Variants in PPARD observed in about 807,000 individuals in gnomAD.
PPARD encodes peroxisome proliferator activated receptor delta.
Under a neutral mutation model 39.5 loss-of-function variants are expected in PPARD, and 6 were observed. The observed-to-expected ratio is 0.15, with a 90% CI of 0.08 to 0.30. The LOEUF is 0.30. Among genes scored for constraint, PPARD ranks in the 10% least tolerant of loss-of-function variants. The probability of loss-of-function intolerance (pLI) is 1.00; values close to 1 mark genes in which losing one functional copy is unlikely to be tolerated. For missense variants in PPARD, 397 were observed against 596.8 expected (o/e 0.67, Z 3.49); for synonymous variants, 210 against 231.3 (o/e 0.91, Z 0.83).
intron 2 of PPARD, among the ~76,000 whole-genome samples, chr6:35,374,626 C>A (rs573740792): frequency 6.7e-6 from 1 of 150,046 alleles, no homozygotes; most frequent in African/African-American, 2.5e-5. Context: ...CCCCTGCACT[C>A]CAGCCTGGGC....
rs927042122 is a variant in PPARD at position 35,424,217 on chromosome 6, C to T, written c.627+69C>T. On this transcript the variant is annotated intron_variant, in intron 6 of 7. Transcript: ENST00000360694. The surrounding 1 kb of genome is among the most constrained non-coding windows in gnomAD (Gnocchi z 7.1). Reference sequence around the variant, plus strand: ...GGTCCCACTGCCGCCTGCCTGACTCCGGGAGAGCCAGGCCTTCTCCCTCCC... The same window carrying T: ...GGTCCCACTGCCGCCTGCCTGACTCTGGGAGAGCCAGGCCTTCTCCCTCCC... 1.4e-4 allele frequency: 222 copies of T among 1,593,490 alleles called. No homozygotes were observed. Among genetic ancestry groups the T allele is most frequent in the Admixed American group, 3.2e-4 (19 of 58,552 alleles).
At chr6:35,399,477 G>A (rs535580540) in intron 2 of PPARD, among the ~76,000 whole-genome samples, 12 of 151,668 alleles carry the variant, frequency 7.9e-5, no homozygotes, top group African/African-American at 1.5e-4. Flanking sequence ...ATGCCAAGGC[G>A]GGAGGATCAC....
intron 2 of PPARD, among the ~76,000 whole-genome samples, chr6:35,379,361 C>T (rs1402400504): frequency 6.6e-6 from 1 of 152,164 alleles, no homozygotes; most frequent in Non-Finnish European, 1.5e-5. Context: ...CTTAGCCTCC[C>T]AAAGTGCTGG....
chr6:35,346,970 C>T, intron 1 of PPARD, 97 bp from the exon 2 acceptor site: 1 of 692,204 alleles, frequency 1.4e-6, no homozygotes, highest in Non-Finnish European at 2.4e-6. Context: ...ACCTTAGGAA[C>T]ACTCTTTGAG....
chr6:35,424,079 C>T lies in PPARD; in HGVS notation c.558C>T (p.Tyr186=). The T allele has an allele frequency of 1.2e-6, 2 of 1,614,128 alleles. No individual in the cohort carries two copies. The highest frequency in any genetic ancestry group is 1.7e-6 in the Non-Finnish European group (2 of 1,180,050). Residue 186 remains tyrosine, a synonymous_variant, in exon 6 of 8, where the codon TAC becomes TAT. Transcript: ENST00000360694. The surrounding 1 kb of genome is among the most constrained non-coding windows in gnomAD (Gnocchi z 7.1). The part of the protein sequence containing the change: ...KAFSKHIYNA[Y]LKNFNMTKKK... Reference sequence around the variant, plus strand: ...TCTCCAAGCACATCTACAATGCCTACCTGAAAAACTTCAACATGACCAAAA... The same window carrying T: ...TCTCCAAGCACATCTACAATGCCTATCTGAAAAACTTCAACATGACCAAAA...
At chr6:35,350,567 G>A (rs1010280321) in intron 2 of PPARD, among the ~76,000 whole-genome samples, 10 of 150,276 alleles carry the variant, frequency 6.7e-5, no homozygotes, top group African/African-American at 2.2e-4. Flanking sequence ...GTAGATGTGT[G>A]GATTTGTTTC....
intron 2 of PPARD, chr6:35,397,423 C>T (rs1189664174): frequency 2.4e-5 from 13 of 542,472 alleles, no homozygotes; most frequent in Non-Finnish European, 3.1e-5. Flanking sequence ...CTGCTAGGCC[C>T]CTCAGGCTTC....
chr6:35,351,506 T>C (rs1245999607), intron 2 of PPARD, among the ~76,000 whole-genome samples: 2 of 152,184 alleles, frequency 1.3e-5, no homozygotes, highest in Non-Finnish European at 2.9e-5. Context: ...AATTTGAGTT[T>C]TCTCTTGAAA....
In PPARD at chr6:35,421,937, G is replaced by A. The variant is rs759821820; in HGVS notation, c.403G>A (p.Ala135Thr). 6.2e-7 allele frequency: 1 copy of A among 1,613,038 alleles called. No homozygotes were observed. Among genetic ancestry groups the A allele is most frequent in the Non-Finnish European group, 8.5e-7 (1 of 1,179,474 alleles). ...CQYCRFQKCL[A>T]LGMSHNAIRF... is the part of the protein sequence containing the mutation. ...GTACTGCCGCTTCCAGAAGTGCCTG[G>A]CACTGGGCATGTCACACAACGGTGA... Residue 135 changes from alanine (A) to threonine (T), a missense_variant, in exon 5 of 8, where the codon GCA (alanine) becomes ACA (threonine). Ala to Thr is a moderately conservative substitution (Grantham distance 58). Transcript: ENST00000360694.
intron 1 of PPARD, among the ~76,000 whole-genome samples, chr6:35,344,562 C>T (rs942040701): frequency 6.6e-6 from 1 of 151,966 alleles, no homozygotes; most frequent in Non-Finnish European, 1.5e-5. Context: ...ATAACATATC[C>T]TTTGTTTCTA....
intron 3 of PPARD, among the ~76,000 whole-genome samples, chr6:35,413,234 T>A (rs1765544275): frequency 6.6e-6 from 1 of 152,144 alleles, no homozygotes; most frequent in African/African-American, 2.4e-5. Context: ...GGCGGTGACC[T>A]CTCAGGCAGC....
At chr6:35,422,083 C>T in intron 5 of PPARD, 125 bp downstream of exon 5, 2 of 1,206,076 alleles carry the variant, frequency 1.7e-6, no homozygotes, top group Non-Finnish European at 2.2e-6. Flanking sequence ...ACAGTAAGCA[C>T]CATGGCTGTT....
At chr6:35,355,426 C>G (rs957125113) in intron 2 of PPARD, among the ~76,000 whole-genome samples, 1 of 151,672 alleles carries the variant, frequency 6.6e-6, no homozygotes, top group African/African-American at 2.4e-5. Flanking sequence ...GTGGTACATG[C>G]CTGTAGTTCC....
chr6:35,359,064 A>ACC (rs1761780907), intron 2 of PPARD, among the ~76,000 whole-genome samples: 1 of 152,160 alleles, frequency 6.6e-6, no homozygotes, highest in African/African-American at 2.4e-5. Context: ...AGGAGAGTGA[A>ACC]CTATTGTGGG....
intron 2 of PPARD, among the ~76,000 whole-genome samples, chr6:35,380,804 T>C (rs1256347759): frequency 6.6e-6 from 1 of 152,102 alleles, no homozygotes; most frequent in Non-Finnish European, 1.5e-5. Flanking sequence ...AGTTACCTCA[T>C]TTGTAAAACA....
chr6:35,415,478 A>G (rs974365657), intron 3 of PPARD, among the ~76,000 whole-genome samples: 2 of 152,260 alleles, frequency 1.3e-5, no homozygotes, highest in Admixed American at 6.5e-5. Flanking sequence ...AATAAGGTCA[A>G]TAGTGTCTAT....
In PPARD at chr6:35,423,950, C is replaced by T; in HGVS notation, c.429C>T (p.Ile143=). The change falls in exon 6 of 8, where the codon ATC becomes ATT. Residue 143 remains isoleucine, a synonymous_variant. Transcript: ENST00000360694. Reference sequence around the variant, plus strand: ...ACTGCCCCCTTCCCTGTGCAGCTATCCGTTTTGGTCGGATGCCGGAGGCTG... The same window carrying T: ...ACTGCCCCCTTCCCTGTGCAGCTATTCGTTTTGGTCGGATGCCGGAGGCTG... ...CLALGMSHNA[I]RFGRMPEAEK... 6.2e-7 allele frequency: 1 copy of T among 1,614,020 alleles called. No individual in the cohort carries two copies.
chr6:35,420,339 A>C (rs1581669512), intron 4 of PPARD, 58 bp downstream of exon 4: 1 of 1,501,658 alleles, frequency 6.7e-7, no homozygotes, highest in Non-Finnish European at 8.9e-7. Context: ...TGGTGAATTG[A>C]CCCTCCACAA....
intron 2 of PPARD, chr6:35,397,685 T>G: frequency 2.8e-6 from 1 of 357,968 alleles, no homozygotes; most frequent in Non-Finnish European, 3.9e-6. Context: ...CAAAAATCTC[T>G]GCCTCCTGGG....
Sources: gnomAD v4.1 joint callset for allele counts (sites outside exome capture counted in the v4.1 genomes callset) on GRCh38, gnomAD v4.1.1 for gene constraint, Gnocchi (gnomAD v3.1) non-coding constraint, MANE v1.5 for transcripts, NCBI Gene and HGNC (gene_info 2026-07-23, HGNC 2026-07-21) for gene names.